Variants in HSD17B2 observed in about 807,000 individuals in gnomAD.
The protein encoded by HSD17B2 is hydroxysteroid 17-beta dehydrogenase 2.
In HSD17B2, 32 loss-of-function variants were observed where a neutral mutation model predicts 26.9. The observed-to-expected ratio is 1.19, with a 90% CI of 0.90 to 1.60. The LOEUF (loss-of-function observed/expected upper bound fraction) is 1.60. Among genes scored for constraint, HSD17B2 ranks in the 40% most tolerant of loss-of-function variants. The pLI is 0.00. For missense variants in HSD17B2, 613 were observed against 468.6 expected (o/e 1.31, Z -2.85); for synonymous variants, 246 against 186.7 (o/e 1.32, Z -2.59).
At chr16:82,049,218 C>G (rs1914031163) in intron 1 of HSD17B2, among the ~76,000 whole-genome samples, 1 of 152,132 alleles carries the variant, frequency 6.6e-6, no homozygotes, top group Non-Finnish European at 1.5e-5. Context: ...TTTTGGTTGT[C>G]AAAACCTATA....
At chr16:82,041,164 G>A (rs1016126651) in intron 1 of HSD17B2, among the ~76,000 whole-genome samples, 4 of 152,272 alleles carry the variant, frequency 2.6e-5, no homozygotes, top group Admixed American at 6.5e-5. Flanking sequence ...TACTGCAAGC[G>A]GCTTGAAGGC....
chr16:82,054,758 T>C (rs1914215907), intron 1 of HSD17B2, among the ~76,000 whole-genome samples: 1 of 152,262 alleles, frequency 6.6e-6, no homozygotes, highest in Middle Eastern at 3.4e-3. Flanking sequence ...TGTCATTTTT[T>C]CCTCTTTCCC....
chr16:82,065,294 C>T (rs1055970100), intron 1 of HSD17B2, among the ~76,000 whole-genome samples: 1 of 152,158 alleles, frequency 6.6e-6, no homozygotes, highest in African/African-American at 2.4e-5. Flanking sequence ...TGGATGACCC[C>T]TTTCCCCCTC....
chr16:82,054,208 G>GAAA (rs74264895), intron 1 of HSD17B2, among the ~76,000 whole-genome samples: 1 of 85,706 alleles, frequency 1.2e-5, no homozygotes, highest in Non-Finnish European at 2.5e-5. Flanking sequence ...CCCACATATC[G>GAAA]AAAAAAAAAA....
At chr16:82,085,008 G>A (rs960146947) in intron 3 of HSD17B2, among the ~76,000 whole-genome samples, 9 of 152,222 alleles carry the variant, frequency 5.9e-5, no homozygotes, top group African/African-American at 2.2e-4. Context: ...ATAGGCATGA[G>A]CTACTGAGGC....
In HSD17B2 at chr16:82,097,231, TATGTCTATGTC is replaced by T. The variant is rs1360417152; in HGVS notation, c.803-843_803-833del. On this transcript the variant is annotated intron_variant, in intron 4 of 4. Coordinates refer to ENST00000199936, the MANE Select transcript of HSD17B2 (RefSeq NM_002153.3). ...ATATGTCTATGTCTATGTCTATGTC[TATGTCTATGTC>T]TATGTCTATGTCTATGTCTATGTCT... 1.1e-4 allele frequency: 16 copies of T among 148,168 alleles called. 1 individual carries two copies. The Middle Eastern group carries it at 0.014, about 129-fold the overall frequency. The allele number at this position is 148,168 out of a possible 1,614,324, so 9.2% of individuals were successfully genotyped here.
intron 1 of HSD17B2, among the ~76,000 whole-genome samples, chr16:82,067,884 C>T (rs1914608693): frequency 6.6e-6 from 1 of 152,200 alleles, no homozygotes; most frequent in African/African-American, 2.4e-5. Context: ...ACTTTGGCCA[C>T]CAGCCACTCC....
intron 3 of HSD17B2, among the ~76,000 whole-genome samples, chr16:82,084,951 T>C (rs970005496): frequency 4.6e-5 from 7 of 152,242 alleles, no homozygotes; most frequent in African/African-American, 1.7e-4. Flanking sequence ...CTTGAACTCC[T>C]GGCCTCAAAC....
intron 1 of HSD17B2, among the ~76,000 whole-genome samples, chr16:82,041,112 G>T (rs1325749324): frequency 6.6e-6 from 1 of 152,170 alleles, no homozygotes; most frequent in East Asian, 1.9e-4. Context: ...GGAGTGTTTT[G>T]ACTGGGGAGT....
At chr16:82,050,324 C>T (rs968786694) in intron 1 of HSD17B2, among the ~76,000 whole-genome samples, 2 of 151,906 alleles carry the variant, frequency 1.3e-5, no homozygotes, top group African/African-American at 4.8e-5. Flanking sequence ...TTTCTCTGCC[C>T]ATCTTCTCCC....
chr16:82,055,791 G>A (rs191718982), intron 1 of HSD17B2, among the ~76,000 whole-genome samples: 31 of 152,342 alleles, frequency 2.0e-4, no homozygotes, highest in Admixed American at 1.1e-3. Flanking sequence ...CCATGCAATA[G>A]AAGCGTGGAT....
intron 1 of HSD17B2, among the ~76,000 whole-genome samples, chr16:82,041,261 C>T (rs1388249016): frequency 6.6e-6 from 1 of 152,234 alleles, no homozygotes; most frequent in Non-Finnish European, 1.5e-5. Flanking sequence ...AGCGAATGCA[C>T]AGTGAGTGAA....
chr16:82,080,944 G>GT (rs370934678), intron 3 of HSD17B2, among the ~76,000 whole-genome samples: 114 of 151,776 alleles, frequency 7.5e-4, no homozygotes, highest in Middle Eastern at 6.8e-3. Flanking sequence ...TGTTGTTTTT[G>GT]TTTTTTTTGT....
At chr16:82,094,030 G>C (rs1904767904) in intron 4 of HSD17B2, 1 of 152,218 alleles carries the variant, frequency 6.6e-6, no homozygotes, top group African/African-American at 2.4e-5. Context: ...AGGATGACCA[G>C]AGGTCACTGT....
intron 1 of HSD17B2, among the ~76,000 whole-genome samples, chr16:82,046,879 G>T (rs924906461): frequency 6.6e-6 from 1 of 152,096 alleles, no homozygotes; most frequent in African/African-American, 2.4e-5. Flanking sequence ...TAAGTAATTG[G>T]CAGTGCTGGA....
At position 82,068,295 on chromosome 16, in the gene HSD17B2, C is replaced by T. The variant is rs369773984; in HGVS notation, c.391C>T (p.Arg131Cys). The stretch of plus-strand genomic sequence containing the variant: ...GGAATTGCGAAGAACCTGCTCTCCG[C>T]GCCTCTCGGTGCTCCAAATGGACAT... ...AEELRRTCSP[R>C]LSVLQMDITK... The change falls in exon 2 of 5, where the codon CGC becomes TGC. Residue 131 changes from arginine (R) to cysteine (C), a missense_variant. By Grantham distance (180) the Arg-to-Cys change is radical (BLOSUM62 -3). Transcript: ENST00000199936. 3.9e-5 allele frequency: 63 copies of T among 1,614,042 alleles called. No homozygotes were observed. Among genetic ancestry groups the T allele is most frequent in the Non-Finnish European group, 4.7e-5 (55 of 1,180,020 alleles).
intron 1 of HSD17B2, among the ~76,000 whole-genome samples, chr16:82,055,578 C>G (rs1348122431): frequency 6.6e-6 from 1 of 152,034 alleles, no homozygotes; most frequent in Non-Finnish European, 1.5e-5. Flanking sequence ...GAAATCAGCC[C>G]AAGTAGAATA....
chr16:82,057,604 C>T (rs948036224), intron 1 of HSD17B2, among the ~76,000 whole-genome samples: 2 of 152,202 alleles, frequency 1.3e-5, no homozygotes, highest in African/African-American at 2.4e-5. Flanking sequence ...TGATGAACAC[C>T]ACTTCAACCA....
At chr16:82,042,790 T>C (rs1159712778) in intron 1 of HSD17B2, among the ~76,000 whole-genome samples, 1 of 151,986 alleles carries the variant, frequency 6.6e-6, no homozygotes. Context: ...CTCAGCTAAT[T>C]TTGTATTTTT....
Sources: gnomAD v4.1 joint callset for allele counts (sites outside exome capture counted in the v4.1 genomes callset) on GRCh38, gnomAD v4.1.1 for gene constraint, MANE v1.5 for transcripts, NCBI Gene and HGNC (gene_info 2026-07-23, HGNC 2026-07-21) for gene names.